The following ISM1 variants were observed in gnomAD, a reference collection of about 807,000 sequenced individuals.
ISM1 encodes the protein isthmin 1.
Under a neutral mutation model 46.3 loss-of-function variants are expected in ISM1, and 25 were observed. That is an observed-to-expected ratio of 0.54 (90% CI 0.39 to 0.75). ISM1 has a LOEUF of 0.75. Among genes scored for constraint, ISM1 ranks in the 30% least tolerant of loss-of-function variants. The probability of loss-of-function intolerance (pLI) is 0.00; values close to 1 mark genes in which losing one functional copy is unlikely to be tolerated. For synonymous variants in ISM1, 255 were observed against 256.7 expected (o/e 0.99, Z 0.06); for missense variants, 536 against 625.4 (o/e 0.86, Z 1.52).
intron 1 of ISM1, among the ~76,000 whole-genome samples, chr20:13,243,108 G>A (rs780947258): frequency 2.6e-5 from 4 of 151,366 alleles, no homozygotes; most frequent in East Asian, 1.9e-4. Context: ...CTGTGACTGC[G>A]TGGCTTGGGG....
intron 5 of ISM1, among the ~76,000 whole-genome samples, chr20:13,293,620 C>T (rs994458990): frequency 5.3e-5 from 8 of 151,818 alleles, no homozygotes; most frequent in Admixed American, 3.3e-4. Flanking sequence ...GAACAAGTCT[C>T]GAATAAAAGG....
At chr20:13,255,591 G>A (rs1010633857) in intron 1 of ISM1, among the ~76,000 whole-genome samples, 4 of 152,290 alleles carry the variant, frequency 2.6e-5, no homozygotes, top group Middle Eastern at 3.4e-3. Context: ...GTGGATAAGG[G>A]AAGGAAAGAC....
chr20:13,246,560 T>C (rs571729063), intron 1 of ISM1, among the ~76,000 whole-genome samples: 3 of 152,324 alleles, frequency 2.0e-5, no homozygotes, highest in Non-Finnish European at 4.4e-5. Flanking sequence ...TGTCGTGCTT[T>C]CCAAAATGCC....
chr20:13,253,786 G>T (rs1297157288), intron 1 of ISM1, among the ~76,000 whole-genome samples: 1 of 151,570 alleles, frequency 6.6e-6, no homozygotes, highest in African/African-American at 2.4e-5. Context: ...GCTCAGCTAG[G>T]AAACAATGGG....
intron 4 of ISM1, among the ~76,000 whole-genome samples, chr20:13,289,656 G>A (rs895739743): frequency 1.6e-4 from 24 of 147,120 alleles, no homozygotes; most frequent in Admixed American, 6.7e-5. Context: ...CATGGAGGAA[G>A]AGAAGGAGGA....
the ISM1 span, among the ~76,000 whole-genome samples, chr20:13,322,427 C>T: frequency 6.6e-6 from 1 of 152,226 alleles, no homozygotes; most frequent in Non-Finnish European, 1.5e-5. Context: ...CCTGCCAACT[C>T]GCTTGCTTCA....
intron 1 of ISM1, among the ~76,000 whole-genome samples, chr20:13,266,767 G>C (rs1324519963): frequency 6.6e-6 from 1 of 152,116 alleles, no homozygotes; most frequent in Non-Finnish European, 1.5e-5. Flanking sequence ...AAGAATGTTT[G>C]CTTGCCTGAA....
Position 13,262,799 on chromosome 20 carries a change from T to G in ISM1, c.139-7705T>G, listed in dbSNP as rs373785030. Among the ~76,000 whole-genome samples, 49 of 152,276 alleles carry G rather than the reference T, an allele frequency of 3.2e-4. No homozygotes were observed. In the East Asian group the frequency reaches 6.6e-3, roughly 20 times the overall value. ...GAGATACACAGGGATGGGTGGCCCC[T>G]CCACCTCAAAGCCAGCTCCCTACCC... On this transcript the variant is annotated intron_variant, in intron 1 of 5. Coordinates refer to ENST00000262487, the MANE Select transcript of ISM1 (RefSeq NM_080826.2).
chr20:13,262,592 T>C (rs971139878), intron 1 of ISM1, among the ~76,000 whole-genome samples: 2 of 151,816 alleles, frequency 1.3e-5, no homozygotes, highest in Non-Finnish European at 2.9e-5. Flanking sequence ...ATAAAAGAAA[T>C]CGGTCCTGGA....
intron 1 of ISM1, among the ~76,000 whole-genome samples, chr20:13,254,056 A>G: frequency 1.0e-5 from 1 of 97,598 alleles, no homozygotes; most frequent in Non-Finnish European, 1.9e-5. Flanking sequence ...CATCATCTCT[A>G]CTAAAAAAAA....
At position 13,221,682 on chromosome 20, in the gene ISM1, T is replaced by A. The variant is rs2123110234; in HGVS notation, c.-95T>A. On this transcript the variant is annotated 5_prime_UTR_variant, in exon 1 of 6. Transcript: ENST00000262487. ...GCGGGAGCCGAGGCGGGAGCCGCGC[T>A]GCCGGGCTCCCGGGCTCCTACTCCT... is the stretch of plus-strand genomic sequence containing the variant. 2 of 1,092,160 alleles carry A rather than the reference T, an allele frequency of 1.8e-6. No homozygotes were observed. Among genetic ancestry groups the A allele is most frequent in the South Asian group, 3.6e-5 (1 of 27,440 alleles). The allele number at this position is 1,092,160 out of a possible 1,614,324, so 67.7% of individuals were successfully genotyped here.
In ISM1 at chr20:13,279,884, A is replaced by G; in HGVS notation, c.629A>G (p.Asp210Gly). Reference protein sequence around the residue: ...APGHRTFETKDQPEYDSTDGE... With the variant: ...APGHRTFETKGQPEYDSTDGE... ...GGCCACCGGACTTTTGAAACCAAAG[A>G]TCAGCCAGAATATGGTGAGTTTACC... Residue 210 changes from aspartate (D) to glycine (G), a missense_variant, in exon 3 of 6, where the codon GAT becomes GGT. Asp to Gly is a moderately conservative substitution (Grantham distance 94). This residue lies in a region of ISM1 where 367 missense variants were observed against 376.1 expected (regional missense o/e 0.98). Transcript: ENST00000262487. 2 of 1,613,924 alleles carry G rather than the reference A, an allele frequency of 1.2e-6. No homozygotes were observed. Among genetic ancestry groups the G allele is most frequent in the Non-Finnish European group, 1.7e-6 (2 of 1,179,848 alleles).
the ISM1 span, among the ~76,000 whole-genome samples, chr20:13,318,591 T>A: frequency 6.6e-6 from 1 of 152,246 alleles, no homozygotes; most frequent in Non-Finnish European, 1.5e-5. Context: ...AGCCAAGATG[T>A]CCTTCAGTAG....
At chr20:13,232,128 G>A (rs531517033) in intron 1 of ISM1, among the ~76,000 whole-genome samples, 1 of 152,300 alleles carries the variant, frequency 6.6e-6, no homozygotes, top group East Asian at 1.9e-4. Flanking sequence ...AGGAGGAGAA[G>A]AGTGGCAGTC....
At chr20:13,276,241 C>G (rs1198012122) in intron 2 of ISM1, among the ~76,000 whole-genome samples, 1 of 152,162 alleles carries the variant, frequency 6.6e-6, no homozygotes, top group Non-Finnish European at 1.5e-5. Flanking sequence ...AGAGGACCAA[C>G]AAGCAAGAAG....
intron 2 of ISM1, among the ~76,000 whole-genome samples, chr20:13,273,971 T>G (rs73078235): frequency 0.16 from 23,950 of 152,062 alleles, 2,159 homozygotes; most frequent in African/African-American, 0.24. Flanking sequence ...GACCACAAAA[T>G]GTTAGTATTG....
intron 1 of ISM1, among the ~76,000 whole-genome samples, chr20:13,241,161 G>A (rs2039717396): frequency 6.6e-6 from 1 of 152,138 alleles, no homozygotes; most frequent in Non-Finnish European, 1.5e-5. Flanking sequence ...CATGACTGGT[G>A]ACCTGAATGA....
chr20:13,323,409 T>A, the ISM1 span, among the ~76,000 whole-genome samples: 2 of 152,178 alleles, frequency 1.3e-5, no homozygotes, highest in Non-Finnish European at 2.9e-5. Context: ...GAAAGACTAT[T>A]GAACCGTGGT....
At position 13,292,169 on chromosome 20, in the gene ISM1, C is replaced by T. The variant is rs113373784; in HGVS notation, c.788-205C>T. Among the ~76,000 whole-genome samples, 162 of 152,296 alleles carry T rather than the reference C, an allele frequency of 1.1e-3. 6 individuals are homozygous for T. In the South Asian group the frequency reaches 0.02, roughly 19 times the overall value. The stretch of plus-strand genomic sequence containing the variant: ...TCAGGCACATTTGGATCTGATTTCA[C>T]GTTGCCAATGTATCTGGGGTTTTAA... On this transcript the variant is annotated intron_variant, in intron 4 of 5. Transcript: ENST00000262487.
Sources: allele counts gnomAD v4.1 joint callset (sites outside exome capture counted in the v4.1 genomes callset), GRCh38; gene constraint gnomAD v4.1.1; regional missense constraint gnomAD v4.1.1; transcripts MANE v1.5; gene names NCBI Gene and HGNC (gene_info 2026-07-23, HGNC 2026-07-21).